Variants in TBCEL observed in about 807,000 individuals in gnomAD.
TBCEL encodes tubulin-specific chaperone cofactor E-like protein.
In TBCEL, 15 loss-of-function variants were observed where a neutral mutation model predicts 44.2. The observed-to-expected ratio is 0.34, with a 90% confidence interval of 0.23 to 0.52. The LOEUF (loss-of-function observed/expected upper bound fraction) is 0.52. Among genes scored for constraint, TBCEL ranks in the 20% least tolerant of loss-of-function variants. The pLI is 0.95. For synonymous variants in TBCEL, 171 were observed against 185.4 expected (o/e 0.92, Z 0.63); for missense variants, 319 against 506.3 (o/e 0.63, Z 3.55).
rs79626258 is a variant in TBCEL at position 121,058,026 on chromosome 11, A to G, written c.713-319A>G. ...TCTTTAAATTACGTAATCATGGCATACATCCTGCTTATTGATGAAACTACT... is the reference window on the plus strand; with the variant it reads ...TCTTTAAATTACGTAATCATGGCATGCATCCTGCTTATTGATGAAACTACT... On this transcript the variant is annotated intron_variant, in intron 6 of 8. Coordinates refer to ENST00000683345, the MANE Select transcript of TBCEL (RefSeq NM_001363644.2). Among the ~76,000 whole-genome samples the G allele has an allele frequency of 3.0e-3, 457 of 151,976 alleles. 5 individuals are homozygous for G. Among genetic ancestry groups the G allele is most frequent in the African/African-American group, 0.01 (424 of 41,508 alleles).
At chr11:121,042,838 T>C (rs1410544534) in intron 2 of TBCEL, among the ~76,000 whole-genome samples, 1 of 152,084 alleles carries the variant, frequency 6.6e-6, no homozygotes, top group Non-Finnish European at 1.5e-5. Context: ...GAGAGGAAGG[T>C]TTAGACCATA....
In TBCEL at chr11:121,047,452, C is replaced by T. The variant is rs986576364; in HGVS notation, c.134-76C>T. 5.2e-6 allele frequency: 8 copies of T among 1,547,340 alleles called. No individual in the cohort carries two copies. The African/African-American group carries it at 5.5e-5, about 11-fold the overall frequency. On this transcript the variant is annotated intron_variant, in intron 3 of 8. Transcript: ENST00000683345. Reference sequence around the variant, plus strand: ...ACACAGTTTGATTTTTGTTTCTTGACACTTCCTGGGGGCTGAACATATGTA... The same window carrying T: ...ACACAGTTTGATTTTTGTTTCTTGATACTTCCTGGGGGCTGAACATATGTA...
intron 8 of TBCEL, among the ~76,000 whole-genome samples, chr11:121,060,287 A>G (rs1174842863): frequency 6.6e-6 from 1 of 151,966 alleles, no homozygotes; most frequent in Non-Finnish European, 1.5e-5. Flanking sequence ...TTGCACATGT[A>G]TTAACACATG....
chr11:121,065,784 C>T (rs1272457844), intron 8 of TBCEL, among the ~76,000 whole-genome samples: 2 of 152,214 alleles, frequency 1.3e-5, no homozygotes, highest in African/African-American at 4.8e-5. Context: ...CTCTAAATCA[C>T]CAGCACAGCA....
At chr11:121,085,180 A>G (rs896018920) in intron 8 of TBCEL, among the ~76,000 whole-genome samples, 4 of 151,978 alleles carry the variant, frequency 2.6e-5, no homozygotes, top group Non-Finnish European at 5.9e-5. Context: ...CTGGGACTAC[A>G]GGCGCGCACC....
chr11:121,053,328 GTA>G (rs1424813948), intron 4 of TBCEL, among the ~76,000 whole-genome samples: 1 of 151,874 alleles, frequency 6.6e-6, no homozygotes, highest in Non-Finnish European at 1.5e-5. Context: ...GTTCTGTTAT[GTA>G]CCAGTCAGTT....
intron 8 of TBCEL, among the ~76,000 whole-genome samples, chr11:121,071,575 C>T (rs1353848518): frequency 1.3e-5 from 2 of 152,128 alleles, no homozygotes; most frequent in African/African-American, 4.8e-5. Flanking sequence ...ACCTTATTTT[C>T]TGTTTGTCCC....
At chr11:121,061,415 A>G (rs897825934) in intron 8 of TBCEL, among the ~76,000 whole-genome samples, 2 of 152,004 alleles carry the variant, frequency 1.3e-5, no homozygotes, top group Non-Finnish European at 2.9e-5. Flanking sequence ...ATGTACATAC[A>G]TACATACATA....
At chr11:121,054,240 A>G (rs897944275) in intron 5 of TBCEL, among the ~76,000 whole-genome samples, 5 of 152,092 alleles carry the variant, frequency 3.3e-5, no homozygotes, top group African/African-American at 1.2e-4. Flanking sequence ...TTGTATTTAC[A>G]TGTAAGTGTG....
intron 1 of TBCEL, among the ~76,000 whole-genome samples, chr11:121,034,614 T>C (rs1945199190): frequency 6.6e-6 from 1 of 152,222 alleles, no homozygotes; most frequent in African/African-American, 2.4e-5. Context: ...GTCAATTATA[T>C]GCAAGTTTCC....
At chr11:121,043,181 T>G (rs1411755633) in intron 2 of TBCEL, among the ~76,000 whole-genome samples, 1 of 152,144 alleles carries the variant, frequency 6.6e-6, no homozygotes, top group Non-Finnish European at 1.5e-5. Context: ...AAACCTGCCC[T>G]TCATCCTGAA....
intron 8 of TBCEL, among the ~76,000 whole-genome samples, chr11:121,070,087 A>C (rs1235759163): frequency 5.9e-5 from 9 of 152,216 alleles, no homozygotes; most frequent in Non-Finnish European, 8.8e-5. Context: ...ATGCAGCCAA[A>C]AGACACATGA....
At chr11:121,061,950 T>G (rs1945731591) in intron 8 of TBCEL, among the ~76,000 whole-genome samples, 1 of 152,162 alleles carries the variant, frequency 6.6e-6, no homozygotes, top group African/African-American at 2.4e-5. Context: ...TCTAATTTTT[T>G]AAAACGTTTT....
rs143888089 is a variant in TBCEL, at chr11:121,056,785, G to A, written c.712+1477G>A. The stretch of plus-strand genomic sequence containing the variant: ...GCTATCAGTATGTCTTCTTTGGTGA[G>A]GTGTCTGTTCAGGTCTGTGGCCCAT... On this transcript the variant is annotated intron_variant, in intron 6 of 8. Transcript: ENST00000683345. 3.9e-3 allele frequency among the ~76,000 whole-genome samples: 589 copies of A among 151,888 alleles called. 5 individuals carry two copies. The highest frequency in any genetic ancestry group is 0.013 in the African/African-American group (551 of 41,490).
At chr11:121,036,206 T>A (rs970081669) in intron 1 of TBCEL, 6 of 152,124 alleles carry the variant, frequency 3.9e-5, no homozygotes, top group Non-Finnish European at 8.8e-5. Flanking sequence ...GTGGGGACAT[T>A]TGGTTTGGGG....
rs1296820824 is a variant in TBCEL at position 121,050,338 on chromosome 11, G to A, written c.273+2671G>A. On this transcript the variant is annotated intron_variant, in intron 4 of 8. Transcript: ENST00000683345. Reference sequence around the variant, plus strand: ...TTGATAGGGCAATGTGGAACCAGTTGTATAATTTTTCCCTTAGTTTTTTGG... The same window carrying A: ...TTGATAGGGCAATGTGGAACCAGTTATATAATTTTTCCCTTAGTTTTTTGG... Among the ~76,000 whole-genome samples, 5 of 151,688 alleles carry A rather than the reference G, an allele frequency of 3.3e-5. No homozygotes were observed. The East Asian group carries it at 9.7e-4, about 29-fold the overall frequency.
At chr11:121,061,271 T>C (rs1945715978) in intron 8 of TBCEL, among the ~76,000 whole-genome samples, 1 of 152,010 alleles carries the variant, frequency 6.6e-6, no homozygotes, top group South Asian at 2.1e-4. Flanking sequence ...TCTAACATAT[T>C]AATGGATTTG....
intron 8 of TBCEL, among the ~76,000 whole-genome samples, chr11:121,077,852 C>T (rs1272353313): frequency 6.6e-6 from 1 of 152,012 alleles, no homozygotes; most frequent in Non-Finnish European, 1.5e-5. Context: ...GTGACTTCCT[C>T]TTTGACTCAT....
chr11:121,088,996 A>C lies in TBCEL; in HGVS notation c.*1900A>C, dbSNP rs1314362200. 1 of 152,198 alleles carries C rather than the reference A, an allele frequency of 6.6e-6. No homozygotes were observed. Among genetic ancestry groups the C allele is most frequent in the South Asian group, 2.1e-4 (1 of 4,824 alleles). 9.4% of individuals were successfully genotyped at this position (152,198 alleles called of 1,614,324 possible). A position where few individuals can be genotyped will look rare whatever the true frequency, so the allele number is the denominator to read the frequency against. On this transcript the variant is annotated 3_prime_UTR_variant, in exon 9 of 9. Coordinates refer to ENST00000683345, the MANE Select transcript of TBCEL (RefSeq NM_001363644.2). ...TTTTGCAAACACATTTTCCTGACAGATTTTTGGAAGTAGGAAAAAAGTATG... is the reference window on the plus strand; with the variant it reads ...TTTTGCAAACACATTTTCCTGACAGCTTTTTGGAAGTAGGAAAAAAGTATG...
Sources: allele counts gnomAD v4.1 joint callset (sites outside exome capture counted in the v4.1 genomes callset), GRCh38; gene constraint gnomAD v4.1.1; transcripts MANE v1.5; gene names NCBI Gene and HGNC (gene_info 2026-07-23, HGNC 2026-07-21).